GALNT11: variants seen among roughly 807,000 people sequenced by gnomAD.
GALNT11 encodes polypeptide N-acetylgalactosaminyltransferase 11, also known as UDP-GalNAc:polypeptide N-acetylgalactosaminyltransferase 11.
Under a neutral mutation model 72.7 loss-of-function variants are expected in GALNT11, and 47 were observed. That is an observed-to-expected ratio of 0.65 (90% CI 0.51 to 0.82). The LOEUF (loss-of-function observed/expected upper bound fraction) is 0.82, where lower values mean the gene tolerates loss of function less well. Among genes scored for constraint, GALNT11 ranks in the 40% least tolerant of loss-of-function variants. The pLI is 0.00. For missense variants in GALNT11, 677 were observed against 778.4 expected, an observed-to-expected ratio of 0.87 and a Z score of 1.55; for synonymous variants, 270 against 286.6, an observed-to-expected ratio of 0.94 and a Z score of 0.58.
intron 1 of GALNT11, among the ~76,000 whole-genome samples, chr7:152,072,314 C>CAAAAAAAA (rs754741694): frequency 1.6e-5 from 1 of 62,270 alleles, no homozygotes; most frequent in African/African-American, 5.2e-5. Context: ...GACTCCGTCT[C>CAAAAAAAA]AAAAAAAAAA....
chr7:152,103,304 T>C, intron 4 of GALNT11, 26 bp downstream of exon 4: 1 of 1,601,568 alleles, frequency 6.2e-7, no homozygotes, highest in Non-Finnish European at 8.5e-7. Context: ...CCTGGTAACA[T>C]TGGATCCAGG....
chr7:152,056,453 A>G (rs1056509249), intron 1 of GALNT11, among the ~76,000 whole-genome samples: 5 of 152,194 alleles, frequency 3.3e-5, no homozygotes, highest in South Asian at 4.1e-4. Flanking sequence ...ACTGGAGTAG[A>G]GTATAGAAAG....
chr7:152,053,642 C>T (rs1352788653), intron 1 of GALNT11, among the ~76,000 whole-genome samples: 4 of 152,106 alleles, frequency 2.6e-5, no homozygotes, highest in African/African-American at 9.7e-5. Flanking sequence ...AAAAAGATTA[C>T]CGACCAAAAT....
chr7:152,044,582 G>A (rs1357876248), intron 1 of GALNT11, among the ~76,000 whole-genome samples: 3 of 152,006 alleles, frequency 2.0e-5, no homozygotes, highest in Non-Finnish European at 4.4e-5. Flanking sequence ...TCTTGATTTC[G>A]TTTTTCAGAT....
Position 152,060,367 on chromosome 7 carries a change from G to T in GALNT11, c.-38-33823G>T, listed in dbSNP as rs573899145. Reference sequence around the variant, plus strand: ...GCATAGCACTTTTAATTCCCTTCAAGAATTTTCCTTTGCGTTCACAACTTG... The same window carrying T: ...GCATAGCACTTTTAATTCCCTTCAATAATTTTCCTTTGCGTTCACAACTTG... On this transcript the variant is annotated intron_variant, in intron 1 of 11. Coordinates refer to ENST00000430044, the MANE Select transcript of GALNT11 (RefSeq NM_022087.4). Among the ~76,000 whole-genome samples, 7 of 152,242 alleles carry T rather than the reference G, an allele frequency of 4.6e-5. No homozygotes were observed. In the South Asian group the frequency reaches 1.2e-3, roughly 27 times the overall value.
chr7:152,096,671 C>T (rs1017507753), intron 2 of GALNT11, among the ~76,000 whole-genome samples: 3 of 147,844 alleles, frequency 2.0e-5, no homozygotes, highest in Middle Eastern at 3.5e-3. Flanking sequence ...GTCAAGATCG[C>T]GCCATTGTAC....
At chr7:152,051,209 T>G (rs937218266) in intron 1 of GALNT11, among the ~76,000 whole-genome samples, 5 of 147,296 alleles carry the variant, frequency 3.4e-5, no homozygotes, top group Admixed American at 1.4e-4. Context: ...GTTTTTTTTT[T>G]TTTTTTTTTT....
At chr7:152,084,215 C>T (rs2085490260) in intron 1 of GALNT11, among the ~76,000 whole-genome samples, 1 of 150,422 alleles carries the variant, frequency 6.6e-6, no homozygotes, top group African/African-American at 2.4e-5. Flanking sequence ...GGACTGGGGT[C>T]AATTTTAATA....
intron 1 of GALNT11, among the ~76,000 whole-genome samples, chr7:152,040,915 G>A (rs1291415427): frequency 6.6e-6 from 1 of 152,156 alleles, no homozygotes; most frequent in Non-Finnish European, 1.5e-5. Flanking sequence ...AGTTATTCTA[G>A]GGAGAATCCA....
intron 1 of GALNT11, among the ~76,000 whole-genome samples, chr7:152,075,594 G>C (rs918460446): frequency 6.6e-6 from 1 of 152,166 alleles, no homozygotes; most frequent in African/African-American, 2.4e-5. Flanking sequence ...ATCACCTGAG[G>C]TCGGGAGTTT....
At chr7:152,060,911 G>C (rs2128998387) in intron 1 of GALNT11, among the ~76,000 whole-genome samples, 1 of 152,268 alleles carries the variant, frequency 6.6e-6, no homozygotes, top group South Asian at 2.1e-4. Context: ...CTTTGCTATT[G>C]TGAATAGTGA....
intron 8 of GALNT11, among the ~76,000 whole-genome samples, chr7:152,116,287 G>C (rs931431524): frequency 1.2e-4 from 18 of 152,078 alleles, no homozygotes; most frequent in African/African-American, 2.4e-5. Context: ...GTCTTACTCT[G>C]TTGCCCAGGC....
chr7:152,039,633 G>A (rs1252797227), intron 1 of GALNT11, among the ~76,000 whole-genome samples: 2 of 152,146 alleles, frequency 1.3e-5, no homozygotes, highest in Non-Finnish European at 2.9e-5. Flanking sequence ...ATCCTCCTCA[G>A]CGTCAGTCTT....
chr7:152,115,631 G>A (rs891269392), intron 8 of GALNT11, among the ~76,000 whole-genome samples: 3 of 152,066 alleles, frequency 2.0e-5, no homozygotes, highest in Non-Finnish European at 2.9e-5. Flanking sequence ...TGGGTAAAAC[G>A]AACTAAATAA....
intron 1 of GALNT11, among the ~76,000 whole-genome samples, chr7:152,083,482 CATATT>C (rs1563061865): frequency 1.3e-5 from 2 of 152,136 alleles, no homozygotes; most frequent in African/African-American, 2.4e-5. Context: ...TTATAGCAAA[CATATT>C]AGATTTCTAA....
intron 1 of GALNT11, among the ~76,000 whole-genome samples, chr7:152,052,637 T>C (rs10231444): frequency 0.033 from 4,966 of 152,292 alleles, 268 homozygotes; most frequent in African/African-American, 0.11. Flanking sequence ...CGATAGACCC[T>C]CTTATTCTTC....
At chr7:152,121,337 A>G (rs2089417272) in intron 11 of GALNT11, among the ~76,000 whole-genome samples, 1 of 152,246 alleles carries the variant, frequency 6.6e-6, no homozygotes, top group South Asian at 2.1e-4. Flanking sequence ...ATAAAAACAA[A>G]TCAGTATACT....
intron 1 of GALNT11, among the ~76,000 whole-genome samples, chr7:152,031,436 T>A (rs2082300178): frequency 6.6e-6 from 1 of 152,196 alleles, no homozygotes; most frequent in South Asian, 2.1e-4. Flanking sequence ...CAAGGAGTAG[T>A]GCCTGGTATC....
At chr7:152,034,078 G>C (rs1257709729) in intron 1 of GALNT11, among the ~76,000 whole-genome samples, 6 of 152,192 alleles carry the variant, frequency 3.9e-5, no homozygotes, top group Admixed American at 3.9e-4. Context: ...ATGTACCCTA[G>C]TTGGGTCAAA....
Sources: gnomAD v4.1 joint callset for allele counts (sites outside exome capture counted in the v4.1 genomes callset) on GRCh38, gnomAD v4.1.1 for gene constraint, MANE v1.5 for transcripts, NCBI Gene and HGNC (gene_info 2026-07-23, HGNC 2026-07-21) for gene names.